SCART1: variants seen among roughly 807,000 people sequenced by gnomAD.
The protein encoded by SCART1 is scavenger receptor cysteine-rich domain-containing protein SCART1.
A neutral mutation model predicts 36.2 loss-of-function variants in SCART1; 62 were observed. That is an observed-to-expected ratio of 1.71 (90% CI 1.40 to 2.12). The LOEUF is 2.12. SCART1 is among the 30% of genes most tolerant of loss of function. SCART1 has a pLI of 0.00. For missense variants in SCART1, 1,041 were observed against 540.5 expected (o/e 1.93, Z -9.18); for synonymous variants, 487 against 238.7 (o/e 2.04, Z -9.59).
exon 12 of SCART1, chr10:133,467,953 G>A (rs1850782076): frequency 1.4e-6 from 1 of 693,794 alleles, no homozygotes; most frequent in African/African-American, 1.8e-5. Context: ...TTCCTCTGGA[G>A]GAGATGACGT....
chr10:133,468,077 CA>C (rs1295984353), exon 12 of SCART1: 3 of 590,780 alleles, frequency 5.1e-6, no homozygotes, highest in Non-Finnish European at 9.3e-6. Context: ...CTTTCTCTTG[CA>C]ATGTCCTCCA....
At chr10:133,467,979 G>A in exon 12 of SCART1, 1 of 679,468 alleles carries the variant, frequency 1.5e-6, no homozygotes, top group South Asian at 1.5e-5. Context: ...AGCAACCTGA[G>A]GATGAGATAC....
intron 1 of SCART1, among the ~76,000 whole-genome samples, chr10:133,454,512 CTG>C (rs1200496574): frequency 6.6e-6 from 1 of 152,028 alleles, no homozygotes; most frequent in African/African-American, 2.4e-5. Flanking sequence ...GGTGGAGACA[CTG>C]GGGTGTGAAG....
intron 6 of SCART1, among the ~76,000 whole-genome samples, chr10:133,460,496 A>ATATATATATATATATATATTTTTTTT: frequency 2.9e-5 from 4 of 136,014 alleles, no homozygotes; most frequent in South Asian, 5.4e-4. Flanking sequence ...ATATTTATAT[A>ATATATATATATATATATATTTTTTTT]TTTTAAAAAA....
At chr10:133,457,422 G>A (rs754269505) in exon 3 of SCART1, 14 of 702,220 alleles carry the variant, frequency 2.0e-5, no homozygotes, top group African/African-American at 5.2e-5. Flanking sequence ...GCTGGGGTGC[G>A]GCCCTGTGCT....
At chr10:133,466,741 GCT>G (rs1312274203) in intron 10 of SCART1, among the ~76,000 whole-genome samples, 7 of 152,244 alleles carry the variant, frequency 4.6e-5, no homozygotes, top group African/African-American at 1.7e-4. Flanking sequence ...GTGAATGCAT[GCT>G]CTTATGCAAG....
chr10:133,464,311 CGTGCAGTGAACCT>C lies in SCART1; in HGVS notation c.1970-293_1970-281del, dbSNP rs1850737303. The C allele has an allele frequency of 3.0e-4, 11 of 36,902 alleles. 2 individuals are homozygous for C. The South Asian group carries it at 4.7e-3, about 16-fold the overall frequency. The allele number at this position is 36,902 out of a possible 1,614,324, so 2.3% of individuals were successfully genotyped here. ...ACCTGGGTGCTGCAGTGAACCTGGG[CGTGCAGTGAACCT>C]GGGCGTGCAGTGAACCTGGGTGCTG... On this transcript the variant is annotated intron_variant, in intron 6 of 11. Transcript: ENST00000640237.
At chr10:133,460,496 A>ATATATATTTTTTTTTTTTTTTTTT in intron 6 of SCART1, among the ~76,000 whole-genome samples, 1 of 136,016 alleles carries the variant, frequency 7.4e-6, no homozygotes. Flanking sequence ...ATATTTATAT[A>ATATATATTTTTTTTTTTTTTTTTT]TTTTAAAAAA....
At position 133,459,193 on chromosome 10, in the gene SCART1, G is replaced by A. The variant is rs535791342; in HGVS notation, c.1152G>A (p.Gly384=). 1.3e-4 allele frequency: 93 copies of A among 702,646 alleles called. No individual in the cohort carries two copies. In the African/African-American group the frequency reaches 1.6e-3, roughly 12 times the overall value. 43.5% of individuals were successfully genotyped at this position (702,646 alleles called of 1,614,324 possible). A position where few individuals can be genotyped will look rare whatever the true frequency, so the allele number is the denominator to read the frequency against. ...CCGCACCTGGAGGAGGCCATTTTGG[G>A]GACGGGGACGCTGCCATCTGGCCTG... The change falls in exon 5 of 12, where the codon GGG becomes GGA. Residue 384 remains glycine (G), a synonymous_variant. Transcript: ENST00000640237.
chr10:133,458,738 G>C (rs1850654656), intron 4 of SCART1, 82 bp downstream of exon 4: 2 of 682,608 alleles, frequency 2.9e-6, no homozygotes, highest in Admixed American at 2.3e-5. Flanking sequence ...AGGTGCCTCT[G>C]GCCAGTAGGT....
At chr10:133,457,447 G>A (rs757815919) in exon 3 of SCART1, 13 of 702,448 alleles carry the variant, frequency 1.9e-5, no homozygotes, top group South Asian at 4.4e-5. Context: ...GCCCCCCGCC[G>A]GGACGTGGGC....
At chr10:133,457,169 A>C in intron 2 of SCART1, 110 bp from the exon 3 acceptor site, 1 of 649,888 alleles carries the variant, frequency 1.5e-6, no homozygotes, top group Non-Finnish European at 2.7e-6. Context: ...CCTGCCCCTG[A>C]AGCTGGCCCT....
exon 6 of SCART1, chr10:133,459,862 C>T (rs973837256): frequency 1.8e-6 from 1 of 563,082 alleles, no homozygotes; most frequent in Middle Eastern, 2.9e-4. Flanking sequence ...GGCGCCCTGA[C>T]TCTGTCTCTC....
rs1457705392 is a variant in SCART1, at chr10:133,456,229, G to A, written c.68-8G>A. 1 of 701,236 alleles carries A rather than the reference G, an allele frequency of 1.4e-6. No homozygotes were observed. The highest frequency in any genetic ancestry group is 2.6e-6 in the Non-Finnish European group (1 of 383,916). The allele number at this position is 701,236 out of a possible 1,614,324, so 43.4% of individuals were successfully genotyped here. ...CTGGCCCCTCTAACTGGACCTGTCT[G>A]TCTGTAGGTGGACCAGGTGCTCTGA... On this transcript the variant is annotated splice_region_variant and splice_polypyrimidine_tract_variant and intron_variant, in intron 1 of 11. Transcript: ENST00000640237.
At chr10:133,460,215 T>C in intron 6 of SCART1, 45 bp downstream of exon 6, 1 of 449,566 alleles carries the variant, frequency 2.2e-6, no homozygotes, top group Non-Finnish European at 3.9e-6. Flanking sequence ...TTTTATTACG[T>C]ACAGTCATGC....
In SCART1 at chr10:133,460,105, GC is replaced by G; in HGVS notation, c.1907del (p.Pro636ArgfsTer26). On this transcript the variant is annotated frameshift_variant, in exon 6 of 12. Transcript: ENST00000640237. LOFTEE classifies it high-confidence loss of function. ...GGCCACGAGTCTGCGCTGTGGCAGTGCCCGTCGGCGGGCTGGGGGCGGCACG... is the reference window on the plus strand; with the variant it reads ...GGCCACGAGTCTGCGCTGTGGCAGTGCCGTCGGCGGGCTGGGGGCGGCACG... 1 of 518,528 alleles carries G rather than the reference GC, an allele frequency of 1.9e-6. No individual in the cohort carries two copies. The highest frequency in any genetic ancestry group is 3.4e-6 in the Non-Finnish European group (1 of 296,402). The allele number at this position is 518,528 out of a possible 1,614,324, so 32.1% of individuals were successfully genotyped here.
Position 133,467,929 on chromosome 10 carries a change from T to G in SCART1, c.3045T>G (p.Tyr1015Ter). The change falls in exon 12 of 12, where the codon TAT (tyrosine) becomes TAG (stop). Residue 1015 changes from tyrosine (Y) to a stop codon, truncating the protein, a stop_gained. Coordinates refer to ENST00000640237, the Ensembl canonical transcript of SCART1. LOFTEE classifies it high-confidence loss of function. Reference sequence around the variant, plus strand: ...ACAGCAGACCTGTTTCTCAGGGATATGACGAGGCTGCGTTTCCTCTGGAGG... The same window carrying G: ...ACAGCAGACCTGTTTCTCAGGGATAGGACGAGGCTGCGTTTCCTCTGGAGG... The G allele has an allele frequency of 1.4e-6, 1 of 699,128 alleles. No individual in the cohort carries two copies. Among genetic ancestry groups the G allele is most frequent in the Non-Finnish European group, 2.6e-6 (1 of 382,166 alleles). 43.3% of individuals were successfully genotyped at this position (699,128 alleles called of 1,614,324 possible).
intron 6 of SCART1, among the ~76,000 whole-genome samples, chr10:133,460,500 T>TTTTTTTTTA (rs1850688100): frequency 7.4e-6 from 1 of 134,690 alleles, no homozygotes; most frequent in East Asian, 2.1e-4. Context: ...TTATATATTT[T>TTTTTTTTTA]AAAAAATATT....
intron 10 of SCART1, 28 bp downstream of exon 10, chr10:133,466,409 C>A: frequency 1.4e-6 from 1 of 696,984 alleles, no homozygotes; most frequent in South Asian, 1.5e-5. Context: ...CTGATCCCAT[C>A]AACTGGTGTG....
Sources: gnomAD v4.1 joint callset for allele counts (sites outside exome capture counted in the v4.1 genomes callset) on GRCh38, gnomAD v4.1.1 for gene constraint, MANE v1.5 for transcripts, NCBI Gene and HGNC (gene_info 2026-07-23, HGNC 2026-07-21) for gene names.